Variants in MAJIN observed in about 807,000 individuals in gnomAD.
The protein encoded by MAJIN is membrane-anchored junction protein.
In MAJIN, 27 loss-of-function variants were observed where a neutral mutation model predicts 30.2. The observed-to-expected ratio is 0.89, with a 90% CI of 0.66 to 1.23. The LOEUF (loss-of-function observed/expected upper bound fraction) is 1.23. Among genes scored for constraint, MAJIN ranks in the 50% most tolerant of loss-of-function variants. The probability of loss-of-function intolerance (pLI) is 0.00; values close to 1 mark genes in which losing one functional copy is unlikely to be tolerated. For missense variants in MAJIN, 253 were observed against 260.3 expected, an observed-to-expected ratio of 0.97 and a Z score of 0.19; for synonymous variants, 78 against 91.6, an observed-to-expected ratio of 0.85 and a Z score of 0.85.
chr11:64,952,615 A>T (rs1424275358), intron 4 of MAJIN, among the ~76,000 whole-genome samples: 1 of 152,258 alleles, frequency 6.6e-6, no homozygotes, highest in African/African-American at 2.4e-5. Flanking sequence ...TTACATAACT[A>T]GAAATAGCAG....
Position 64,954,715 on chromosome 11 carries a change from T to G in MAJIN, c.147+42A>C, listed in dbSNP as rs768012264. 5 of 1,596,526 alleles carry G rather than the reference T, an allele frequency of 3.1e-6. No individual in the cohort carries two copies. The Admixed American group carries it at 8.3e-5, about 27-fold the overall frequency. On this transcript the variant is annotated intron_variant, in intron 4 of 10. Transcript: ENST00000301896. ...TAAAACCTGAATGTGGATGCATCCT[T>G]AAAGAGTAACTTTTCCAGAAGTCGT...
At chr11:64,964,935 A>T (rs561638084) in intron 1 of MAJIN, among the ~76,000 whole-genome samples, 37 of 152,270 alleles carry the variant, frequency 2.4e-4, no homozygotes, top group African/African-American at 8.9e-4. Flanking sequence ...TTTTGGACAT[A>T]AAGGGTTACA....
intron 4 of MAJIN, chr11:64,954,440 T>C (rs1945600758): frequency 2.2e-6 from 1 of 449,252 alleles, no homozygotes; most frequent in Non-Finnish European, 4.1e-6. Context: ...CCCAGAGCCC[T>C]GGAAGGAGGC....
chr11:64,940,466 C>T, intron 9 of MAJIN, 108 bp downstream of exon 9: 9 of 1,123,066 alleles, frequency 8.0e-6, no homozygotes, highest in South Asian at 3.9e-5. Context: ...AGGCACATTA[C>T]CCACTGAGGG....
intron 5 of MAJIN, 94 bp from the exon 6 acceptor site, chr11:64,949,962 C>A: frequency 2.0e-6 from 3 of 1,471,438 alleles, no homozygotes; most frequent in Non-Finnish European, 2.8e-6. Flanking sequence ...CCCTGACCTA[C>A]CCTCCAAACT....
At chr11:64,938,980 A>C (rs1337827391) in intron 10 of MAJIN, among the ~76,000 whole-genome samples, 6 of 152,206 alleles carry the variant, frequency 3.9e-5, no homozygotes, top group African/African-American at 1.2e-4. Flanking sequence ...TCCAGGCTGG[A>C]GTGCAATGGC....
chr11:64,970,742 T>C (rs1590712251), intron 1 of MAJIN, among the ~76,000 whole-genome samples: 1 of 152,260 alleles, frequency 6.6e-6, no homozygotes, highest in South Asian at 2.1e-4. Flanking sequence ...GCTGGCATCT[T>C]TCTGCCCACT....
At chr11:64,947,990 G>T (rs1945478012) in intron 6 of MAJIN, among the ~76,000 whole-genome samples, 171 bp from the exon 7 acceptor site, 1 of 151,478 alleles carries the variant, frequency 6.6e-6, no homozygotes, top group Non-Finnish European at 1.5e-5. Context: ...CTCCCGAGTA[G>T]CTGGGACTAC....
intron 3 of MAJIN, among the ~76,000 whole-genome samples, 190 bp downstream of exon 3, chr11:64,959,115 G>T (rs558298981): frequency 6.8e-4 from 98 of 143,474 alleles, no homozygotes; most frequent in Non-Finnish European, 1.2e-3. Context: ...AAAAAAAAAA[G>T]TTGTCCCTCA....
chr11:64,944,721 T>C (rs1227176335), intron 8 of MAJIN, among the ~76,000 whole-genome samples: 1 of 152,274 alleles, frequency 6.6e-6, no homozygotes, highest in Admixed American at 6.5e-5. Context: ...TAACTGCTCA[T>C]GTTATGAGTC....
intron 1 of MAJIN, among the ~76,000 whole-genome samples, chr11:64,961,075 C>T (rs1259819866): frequency 6.6e-6 from 1 of 152,158 alleles, no homozygotes; most frequent in Non-Finnish European, 1.5e-5. Flanking sequence ...CTAGATGACT[C>T]TTCTCAGTAG....
At chr11:64,947,657 A>T in intron 7 of MAJIN, 131 bp downstream of exon 7, 1 of 1,093,990 alleles carries the variant, frequency 9.1e-7, no homozygotes, top group Non-Finnish European at 1.4e-6. Flanking sequence ...ATATGGTCTT[A>T]TGTTTACAAT....
At chr11:64,965,153 T>C (rs1945786965) in intron 1 of MAJIN, among the ~76,000 whole-genome samples, 1 of 152,248 alleles carries the variant, frequency 6.6e-6, no homozygotes. Context: ...TCCATGTTTA[T>C]TGACATCATT....
intron 6 of MAJIN, among the ~76,000 whole-genome samples, chr11:64,949,187 G>A (rs905790274): frequency 2.7e-5 from 4 of 150,356 alleles, no homozygotes; most frequent in Admixed American, 1.3e-4. Context: ...AAAATTAGCC[G>A]GGGATGGTCG....
chr11:64,956,193 G>A (rs1945628285), intron 3 of MAJIN, among the ~76,000 whole-genome samples: 1 of 152,148 alleles, frequency 6.6e-6, no homozygotes, highest in Admixed American at 6.6e-5. Flanking sequence ...CTAGCTACTT[G>A]GGAGGCTGAG....
intron 1 of MAJIN, among the ~76,000 whole-genome samples, chr11:64,960,761 G>T (rs964221090): frequency 6.6e-6 from 1 of 152,126 alleles, no homozygotes; most frequent in African/African-American, 2.4e-5. Context: ...ACTCTTCCAT[G>T]GTAGAGTCAC....
chr11:64,946,009 A>C, intron 8 of MAJIN: 541 of 1,294,338 alleles, frequency 4.2e-4, no homozygotes, highest in Non-Finnish European at 5.0e-4. Context: ...GGTAACCGGA[A>C]TCCTGACTTG....
chr11:64,965,196 T>C (rs1022251329), intron 1 of MAJIN, among the ~76,000 whole-genome samples: 6 of 152,350 alleles, frequency 3.9e-5, no homozygotes, highest in Middle Eastern at 3.4e-3. Context: ...CTGCCCTTTC[T>C]GGTAAGACAC....
Position 64,954,748 on chromosome 11 carries a change from T to C in MAJIN, c.147+9A>G, listed in dbSNP as rs1945605241. On this transcript the variant is annotated intron_variant, in intron 4 of 10. Coordinates refer to ENST00000301896, the MANE Select transcript of MAJIN (RefSeq NM_001037225.3). ...AACTTTTCCAGAAGTCGTATGCTTC[T>C]TTCCCTACCTCCAGCTCCTGGGTGA... is the stretch of plus-strand genomic sequence containing the variant. 6.2e-7 allele frequency: 1 copy of C among 1,613,338 alleles called. No individual in the cohort carries two copies. The highest frequency in any genetic ancestry group is 2.2e-5 in the East Asian group (1 of 44,888).
Sources: allele counts gnomAD v4.1 joint callset (sites outside exome capture counted in the v4.1 genomes callset), GRCh38; gene constraint gnomAD v4.1.1; transcripts MANE v1.5; gene names NCBI Gene and HGNC (gene_info 2026-07-23, HGNC 2026-07-21).